The following TMEM45A variants were observed in gnomAD, a reference collection of about 807,000 sequenced individuals.
TMEM45A encodes transmembrane protein 45A.
In TMEM45A, 25 loss-of-function variants were observed where a neutral mutation model predicts 32.0. The ratio of observed to expected loss-of-function variants is 0.78; its 90% CI spans 0.57 to 1.09. The LOEUF is 1.09. TMEM45A is among the 50% of genes least tolerant of loss of function. The pLI is 0.00. For missense variants in TMEM45A, 302 were observed against 325.0 expected, an observed-to-expected ratio of 0.93 and a Z score of 0.54; for synonymous variants, 122 against 114.8, an observed-to-expected ratio of 1.06 and a Z score of -0.40.
rs151104025 is a variant in TMEM45A at position 100,492,758 on chromosome 3, T to TCCCCCCCCCCC, written c.-168_-167insCCCCCCCCCCC. ...CTAGGGACCCAAGTTTAAAAATTCCTCCCCCCACCCAATGCGAGACGTGGC... is the reference window on the plus strand; with the variant it reads ...CTAGGGACCCAAGTTTAAAAATTCCTCCCCCCCCCCCCCCCCCACCCAATGCGAGACGTGGC... On this transcript the variant is annotated 5_prime_UTR_variant, in exon 1 of 6. Transcript: ENST00000323523. The TCCCCCCCCCCC allele has an allele frequency of 6.8e-6, 1 of 146,174 alleles. No individual in the cohort carries two copies. The highest frequency in any genetic ancestry group is 1.5e-5 in the Non-Finnish European group (1 of 66,606). The allele number at this position is 146,174 out of a possible 1,614,324, so 9.1% of individuals were successfully genotyped here.
intron 5 of TMEM45A, chr3:100,572,940 G>A (rs1340751561): frequency 2.0e-5 from 3 of 151,586 alleles, no homozygotes; most frequent in Non-Finnish European, 4.4e-5. Context: ...TGAGGGCTCT[G>A]TTCTGTTCCA....
intron 1 of TMEM45A, among the ~76,000 whole-genome samples, chr3:100,553,767 C>G (rs1706156069): frequency 6.6e-6 from 1 of 152,124 alleles, no homozygotes; most frequent in Non-Finnish European, 1.5e-5. Context: ...ATAGTTAGGA[C>G]AAGGACCTGC....
At chr3:100,516,361 G>A (rs962643492) in intron 1 of TMEM45A, among the ~76,000 whole-genome samples, 1 of 152,194 alleles carries the variant, frequency 6.6e-6, no homozygotes, top group Admixed American at 6.5e-5. Context: ...CTTATGTTTT[G>A]TGGTGGTAAT....
intron 1 of TMEM45A, among the ~76,000 whole-genome samples, chr3:100,509,509 A>T (rs2148934368): frequency 6.6e-6 from 1 of 152,360 alleles, no homozygotes; most frequent in Admixed American, 6.5e-5. Context: ...CACTATTCAC[A>T]ATAGCCAAGG....
chr3:100,567,199 G>A (rs1706459214), intron 4 of TMEM45A, among the ~76,000 whole-genome samples: 1 of 151,554 alleles, frequency 6.6e-6, no homozygotes, highest in South Asian at 2.1e-4. Context: ...ATATGAGGTA[G>A]GGGTCCAAAT....
At chr3:100,536,262 G>A (rs569727604) in intron 1 of TMEM45A, among the ~76,000 whole-genome samples, 1 of 152,156 alleles carries the variant, frequency 6.6e-6, no homozygotes, top group East Asian at 1.9e-4. Context: ...AAACTTTAAT[G>A]TGCATATGAG....
intron 1 of TMEM45A, among the ~76,000 whole-genome samples, chr3:100,548,003 T>C (rs1275483967): frequency 6.6e-6 from 1 of 152,242 alleles, no homozygotes; most frequent in Non-Finnish European, 1.5e-5. Flanking sequence ...GAATAGCTGA[T>C]GTTCCGTGGA....
chr3:100,516,618 C>T (rs1382805301), intron 1 of TMEM45A, among the ~76,000 whole-genome samples: 1 of 152,152 alleles, frequency 6.6e-6, no homozygotes, highest in East Asian at 1.9e-4. Context: ...GATTGCCTTT[C>T]TGTCAGCAAC....
chr3:100,559,398 C>T (rs949419470), intron 4 of TMEM45A, among the ~76,000 whole-genome samples: 3 of 152,020 alleles, frequency 2.0e-5, no homozygotes, highest in African/African-American at 7.2e-5. Context: ...TGATAAAAAG[C>T]ATTGGTAGGT....
intron 1 of TMEM45A, among the ~76,000 whole-genome samples, chr3:100,513,214 C>A (rs933212105): frequency 2.6e-5 from 4 of 151,172 alleles, no homozygotes; most frequent in African/African-American, 9.8e-5. Flanking sequence ...AACATCGATG[C>A]AAAAATCCTC....
intron 1 of TMEM45A, among the ~76,000 whole-genome samples, chr3:100,504,288 G>T (rs540178647): frequency 6.6e-6 from 1 of 151,068 alleles, no homozygotes; most frequent in African/African-American, 2.4e-5. Context: ...TCGCCACAAT[G>T]TTAAACTACT....
rs763796775 is a variant in TMEM45A at position 100,577,259 on chromosome 3, A to AT, written c.*248dup. On this transcript the variant is annotated 3_prime_UTR_variant, in exon 6 of 6. Transcript: ENST00000323523. ...ATCATGGTATTCAGGGGCTAGAGTG[A>AT]TTTTTTTCCAGATTATCTAAAGTTG... 2.6e-5 allele frequency: 9 copies of AT among 349,712 alleles called. No homozygotes were observed. Among genetic ancestry groups the AT allele is most frequent in the Non-Finnish European group, 4.1e-5 (8 of 194,698 alleles). 21.7% of individuals were successfully genotyped at this position (349,712 alleles called of 1,614,324 possible). A position where few individuals can be genotyped will look rare whatever the true frequency, so the allele number is the denominator to read the frequency against.
intron 1 of TMEM45A, among the ~76,000 whole-genome samples, chr3:100,494,398 T>C (rs1707892885): frequency 6.6e-6 from 1 of 152,096 alleles, no homozygotes; most frequent in Non-Finnish European, 1.5e-5. Flanking sequence ...CCAAGGCAGG[T>C]TGACCATGAG....
Position 100,556,163 on chromosome 3 carries a change from T to C in TMEM45A, c.191-597T>C, listed in dbSNP as rs544982048. On this transcript the variant is annotated intron_variant, in intron 2 of 5. Transcript: ENST00000323523. The stretch of plus-strand genomic sequence containing the variant: ...ACCCGGCTAATTTTTGTATGTTTAG[T>C]AGAGATGGGGTTCCACCATGTTGGC... Among the ~76,000 whole-genome samples, 3 of 152,294 alleles carry C rather than the reference T, an allele frequency of 2.0e-5. No individual in the cohort carries two copies. The East Asian group carries it at 5.8e-4, about 29-fold the overall frequency.
intron 4 of TMEM45A, among the ~76,000 whole-genome samples, chr3:100,561,518 C>T (rs901885164): frequency 4.6e-5 from 7 of 152,008 alleles, no homozygotes; most frequent in Non-Finnish European, 1.0e-4. Context: ...ATTTCCCTTC[C>T]AACTTATTAG....
chr3:100,494,884 T>A (rs1461737965), intron 1 of TMEM45A, among the ~76,000 whole-genome samples: 3 of 152,164 alleles, frequency 2.0e-5, no homozygotes, highest in Admixed American at 1.3e-4. Context: ...CTGTGGTGAG[T>A]TTCCTTCTCA....
At chr3:100,539,450 T>TATGCATATGTATATGCATATGCATATGC (rs60074458) in intron 1 of TMEM45A, among the ~76,000 whole-genome samples, 2 of 115,010 alleles carry the variant, frequency 1.7e-5, no homozygotes, top group Non-Finnish European at 1.7e-5. Context: ...TATGTATATG[T>TATGCATATGTATATGCATATGCATATGC]ATATGTATAT....
intron 1 of TMEM45A, among the ~76,000 whole-genome samples, chr3:100,522,205 C>T (rs1705450343): frequency 6.6e-6 from 1 of 152,154 alleles, no homozygotes; most frequent in African/African-American, 2.4e-5. Context: ...GGACCATACC[C>T]TGTTGGGAAG....
chr3:100,558,499 T>C lies in TMEM45A; in HGVS notation c.498T>C (p.Val166=), dbSNP rs774051531. ...LVLVVFLTGL[V]AFLEFLVRNN... is the part of the protein sequence containing the mutation. ...TGGTCGTCTTTCTGACAGGCCTCGT[T>C]GCCTTCCTAGAGTTCCTTGTTCGGA... Residue 166 remains valine, a synonymous_variant, in exon 4 of 6, where the codon GTT becomes GTC. Coordinates refer to ENST00000323523, the MANE Select transcript of TMEM45A (RefSeq NM_018004.3). The C allele has an allele frequency of 2.7e-5, 44 of 1,614,034 alleles. No individual in the cohort carries two copies. In the Admixed American group the frequency reaches 7.3e-4, roughly 27 times the overall value.
Sources: allele counts gnomAD v4.1 joint callset (sites outside exome capture counted in the v4.1 genomes callset), GRCh38; gene constraint gnomAD v4.1.1; transcripts MANE v1.5; gene names NCBI Gene and HGNC (gene_info 2026-07-23, HGNC 2026-07-21).